The following SORCS1 variants were observed in gnomAD, a reference collection of about 807,000 sequenced individuals.
The protein encoded by SORCS1 is sortilin related VPS10 domain containing receptor 1, also known as VPS10 domain-containing receptor SorCS1.
SORCS1 carries 60 observed loss-of-function variants against 146.1 expected under a neutral mutation model. That is an observed-to-expected ratio of 0.41 (90% CI 0.33 to 0.51). The LOEUF (loss-of-function observed/expected upper bound fraction) is 0.51. Ranked by LOEUF, SORCS1 falls within the 20% of genes least tolerant of loss-of-function variation. The pLI is 0.21. For synonymous variants in SORCS1, 637 were observed against 584.0 expected, an observed-to-expected ratio of 1.09 and a Z score of -1.31; for missense variants, 1,352 against 1,487.6, an observed-to-expected ratio of 0.91 and a Z score of 1.50.
chr10:106,841,059 T>C (rs1237066726), intron 2 of SORCS1, among the ~76,000 whole-genome samples: 1 of 151,116 alleles, frequency 6.6e-6, no homozygotes, highest in East Asian at 2.0e-4. Context: ...TTTCACCATG[T>C]TGGCCAAGAT....
chr10:106,702,836 G>T (rs1854230489), intron 8 of SORCS1, among the ~76,000 whole-genome samples: 1 of 152,152 alleles, frequency 6.6e-6, no homozygotes. Flanking sequence ...AGAGCAAGGT[G>T]TGATCTTACA....
intron 1 of SORCS1, among the ~76,000 whole-genome samples, chr10:106,972,665 A>G (rs1955837417): frequency 6.6e-6 from 1 of 152,056 alleles, no homozygotes; most frequent in Admixed American, 6.6e-5. Flanking sequence ...ACCTGCTCTC[A>G]TTACCCATCA....
intron 9 of SORCS1, among the ~76,000 whole-genome samples, chr10:106,690,443 G>T (rs1321147796): frequency 6.6e-6 from 1 of 152,110 alleles, no homozygotes; most frequent in Non-Finnish European, 1.5e-5. Context: ...TTTCCTTCCT[G>T]CCCTCTCCCT....
At chr10:106,767,086 A>G (rs1859628340) in intron 4 of SORCS1, among the ~76,000 whole-genome samples, 1 of 152,152 alleles carries the variant, frequency 6.6e-6, no homozygotes. Context: ...GGTAGGTGCA[A>G]TCTTACCAAT....
At chr10:106,746,526 A>C (rs1215240827) in intron 5 of SORCS1, among the ~76,000 whole-genome samples, 1 of 152,238 alleles carries the variant, frequency 6.6e-6, no homozygotes, top group African/African-American at 2.4e-5. Context: ...CAACTGTATC[A>C]CTTCAGCTGT....
the SORCS1 span, among the ~76,000 whole-genome samples, chr10:107,173,107 T>G: frequency 6.6e-6 from 1 of 152,156 alleles, no homozygotes; most frequent in East Asian, 1.9e-4. Context: ...CAACAATACC[T>G]ATGTGCATCC....
intron 2 of SORCS1, among the ~76,000 whole-genome samples, chr10:106,856,154 G>A (rs1949779284): frequency 6.6e-6 from 1 of 151,942 alleles, no homozygotes; most frequent in African/African-American, 2.4e-5. Context: ...AGCCTCCTGA[G>A]TAGCTGGGAT....
intron 1 of SORCS1, among the ~76,000 whole-genome samples, chr10:107,017,068 A>G (rs1957928881): frequency 6.6e-6 from 1 of 152,210 alleles, no homozygotes; most frequent in African/African-American, 2.4e-5. Context: ...TGGAACTGTA[A>G]ATTGCATTAA....
At chr10:106,826,921 G>C (rs374563720) in intron 3 of SORCS1, among the ~76,000 whole-genome samples, 3 of 152,312 alleles carry the variant, frequency 2.0e-5, no homozygotes, top group Admixed American at 1.3e-4. Flanking sequence ...CAAGTCTTAA[G>C]AACAGTAAAA....
intron 2 of SORCS1, among the ~76,000 whole-genome samples, chr10:106,917,908 T>C (rs1952522038): frequency 6.6e-6 from 1 of 152,210 alleles, no homozygotes; most frequent in South Asian, 2.1e-4. Context: ...GATGCCAATT[T>C]GGCCAGGAGC....
chr10:106,837,628 T>A (rs1016720782), intron 2 of SORCS1, among the ~76,000 whole-genome samples: 5 of 150,342 alleles, frequency 3.3e-5, no homozygotes, highest in African/African-American at 7.4e-5. Flanking sequence ...CTACAACAAA[T>A]AAATCTCTCA....
At chr10:106,824,147 T>C (rs1434835778) in intron 3 of SORCS1, among the ~76,000 whole-genome samples, 1 of 151,186 alleles carries the variant, frequency 6.6e-6, no homozygotes, top group African/African-American at 2.4e-5. Flanking sequence ...CTACCAAAAG[T>C]ACAAAAATTA....
chr10:106,896,296 G>T (rs1014840707), intron 2 of SORCS1, among the ~76,000 whole-genome samples: 1 of 152,014 alleles, frequency 6.6e-6, no homozygotes, highest in Non-Finnish European at 1.5e-5. Context: ...CAGTGTGGTG[G>T]CAGATGCCTG....
intron 1 of SORCS1, among the ~76,000 whole-genome samples, chr10:106,987,242 T>G (rs1044571377): frequency 1.8e-4 from 28 of 152,176 alleles, no homozygotes; most frequent in Admixed American, 1.1e-3. Context: ...AGTCTTTATT[T>G]GTAAAGTGTG....
chr10:106,890,159 T>C (rs930803041), intron 2 of SORCS1, among the ~76,000 whole-genome samples: 3 of 152,164 alleles, frequency 2.0e-5, no homozygotes, highest in Non-Finnish European at 4.4e-5. Context: ...GATGCACAAT[T>C]AATTTTATGC....
chr10:106,922,815 G>A (rs1889961), intron 2 of SORCS1, among the ~76,000 whole-genome samples: 79,107 of 151,260 alleles, frequency 0.52, 22,245 homozygotes, highest in Non-Finnish European at 0.63. Flanking sequence ...GAATAGTTTC[G>A]CTACCCTGGA....
At chr10:106,736,132 T>C (rs989152409) in intron 5 of SORCS1, among the ~76,000 whole-genome samples, 1 of 152,348 alleles carries the variant, frequency 6.6e-6, no homozygotes, top group African/African-American at 2.4e-5. Context: ...ATGCAGCCTT[T>C]GTAGACATTT....
intron 3 of SORCS1, among the ~76,000 whole-genome samples, chr10:106,800,115 G>C (rs1259427634): frequency 1.3e-5 from 2 of 152,106 alleles, no homozygotes; most frequent in Non-Finnish European, 2.9e-5. Flanking sequence ...TCTTGATTTT[G>C]ATGCACTGCT....
At chr10:106,719,293 G>C (rs937050074) in intron 6 of SORCS1, among the ~76,000 whole-genome samples, 4 of 152,166 alleles carry the variant, frequency 2.6e-5, no homozygotes, top group African/African-American at 9.7e-5. Context: ...TTTTGGAAGG[G>C]GGAGTGAGGG....
Sources: allele counts gnomAD v4.1 joint callset (sites outside exome capture counted in the v4.1 genomes callset), GRCh38; gene constraint gnomAD v4.1.1; transcripts MANE v1.5; gene names NCBI Gene and HGNC (gene_info 2026-07-23, HGNC 2026-07-21).